The following NAA60 variants were observed in gnomAD, a reference collection of about 807,000 sequenced individuals.
NAA60 encodes N-alpha-acetyltransferase 60.
Under a neutral mutation model 26.1 loss-of-function variants are expected in NAA60, and 8 were observed. The ratio of observed to expected loss-of-function variants is 0.31; its 90% confidence interval spans 0.18 to 0.55. The LOEUF (loss-of-function observed/expected upper bound fraction) is 0.55, where lower values mean the gene tolerates loss of function less well. Among genes scored for constraint, NAA60 ranks in the 20% least tolerant of loss-of-function variants. The pLI is 0.93. For missense variants in NAA60, 290 were observed against 311.3 expected, an observed-to-expected ratio of 0.93 and a Z score of 0.51; for synonymous variants, 131 against 122.5, an observed-to-expected ratio of 1.07 and a Z score of -0.46.
intron 1 of NAA60, among the ~76,000 whole-genome samples, chr16:3,444,450 G>GA (rs912166725): frequency 5.9e-4 from 89 of 150,392 alleles, no homozygotes; most frequent in African/African-American, 1.8e-3. Context: ...GGTGTTTGGG[G>GA]AAAAAAAAAG....
At chr16:3,443,923 G>T in intron 1 of NAA60, 86 bp downstream of exon 1, 2 of 1,457,662 alleles carry the variant, frequency 1.4e-6, no homozygotes, top group South Asian at 2.8e-5. Context: ...TTCGGGCCTA[G>T]CCTGGGCTTG....
intron 4 of NAA60, among the ~76,000 whole-genome samples, chr16:3,480,587 G>C (rs1238935085): frequency 1.4e-5 from 2 of 146,266 alleles, no homozygotes; most frequent in Non-Finnish European, 3.0e-5. Flanking sequence ...ACAAAAGCAA[G>C]ACTTCGTCTA....
At chr16:3,465,716 T>C (rs1382441795) in intron 2 of NAA60, among the ~76,000 whole-genome samples, 2 of 152,128 alleles carry the variant, frequency 1.3e-5, no homozygotes, top group Non-Finnish European at 2.9e-5. Context: ...GATGGCACTT[T>C]TCATGTTTGC....
chr16:3,457,970 G>A (rs1196928239), intron 2 of NAA60: 1 of 985,126 alleles, frequency 1.0e-6, no homozygotes, highest in Non-Finnish European at 1.2e-6. Context: ...GCGGGGCCAC[G>A]TGGGGGCGGC....
chr16:3,481,209 T>A (rs2036808303), intron 4 of NAA60, among the ~76,000 whole-genome samples: 1 of 151,948 alleles, frequency 6.6e-6, no homozygotes, highest in Admixed American at 6.6e-5. Context: ...CACTGCAACC[T>A]CCGCCTCTCA....
At chr16:3,453,058 T>C (rs527723837) in intron 2 of NAA60, among the ~76,000 whole-genome samples, 1 of 152,244 alleles carries the variant, frequency 6.6e-6, no homozygotes, top group African/African-American at 2.4e-5. Flanking sequence ...GAGAATAAAT[T>C]GGTAAAACTT....
intron 2 of NAA60, among the ~76,000 whole-genome samples, chr16:3,466,793 G>T (rs1377749808): frequency 8.5e-5 from 13 of 152,294 alleles, no homozygotes; most frequent in African/African-American, 2.9e-4. Flanking sequence ...TGAGCTGCCT[G>T]GAGTTTGGGG....
intron 1 of NAA60, among the ~76,000 whole-genome samples, chr16:3,445,746 A>T (rs2034526071): frequency 6.6e-6 from 1 of 152,168 alleles, no homozygotes. Context: ...GAAATGAAGC[A>T]TGTGGTATTA....
intron 2 of NAA60, among the ~76,000 whole-genome samples, chr16:3,453,504 G>C (rs2034864991): frequency 6.6e-6 from 1 of 152,180 alleles, no homozygotes; most frequent in African/African-American, 2.4e-5. Flanking sequence ...TGCCTTCCAG[G>C]TTCAAGCGAT....
chr16:3,485,795 T>C lies in NAA60; in HGVS notation c.*535T>C, dbSNP rs903644626. The C allele has an allele frequency of 1.3e-4, 50 of 398,596 alleles. No individual in the cohort carries two copies. The highest frequency in any genetic ancestry group is 7.3e-5 in the East Asian group (1 of 13,704). The allele number at this position is 398,596 out of a possible 1,614,324, so 24.7% of individuals were successfully genotyped here. ...CCAAAGAAGCCTGGGGGGTGAGGAG[T>C]GGCCCCCACTCCTCCATGAGGGGCT... is the stretch of plus-strand genomic sequence containing the variant. On this transcript the variant is annotated 3_prime_UTR_variant, in exon 8 of 8. Coordinates refer to ENST00000407558, the MANE Select transcript of NAA60 (RefSeq NM_001083601.3).
intron 2 of NAA60, among the ~76,000 whole-genome samples, chr16:3,461,097 G>C (rs2035362884): frequency 6.6e-6 from 1 of 152,130 alleles, no homozygotes; most frequent in South Asian, 2.1e-4. Flanking sequence ...CCTCTGATAG[G>C]AGGCTGGCAG....
At chr16:3,458,656 A>T (rs756595766) in intron 2 of NAA60, among the ~76,000 whole-genome samples, 26 of 152,102 alleles carry the variant, frequency 1.7e-4, no homozygotes, top group Non-Finnish European at 3.2e-4. Context: ...GATTGGAGTC[A>T]TCTGCGACTT....
intron 3 of NAA60, among the ~76,000 whole-genome samples, chr16:3,477,982 T>G (rs1164895028): frequency 2.0e-5 from 3 of 151,968 alleles, no homozygotes; most frequent in Admixed American, 2.0e-4. Flanking sequence ...GGAGAATCGC[T>G]TGAACCCAGG....
intron 2 of NAA60, among the ~76,000 whole-genome samples, chr16:3,463,754 C>T (rs959391515): frequency 6.6e-6 from 1 of 151,722 alleles, no homozygotes; most frequent in African/African-American, 2.4e-5. Context: ...GCCTGTAATC[C>T]TAGCTATTTG....
chr16:3,479,641 A>G, intron 4 of NAA60, 41 bp downstream of exon 4: 1 of 1,608,860 alleles, frequency 6.2e-7, no homozygotes, highest in South Asian at 1.1e-5. Context: ...AGTCACTGTC[A>G]TTGGACGGGC....
intron 1 of NAA60, among the ~76,000 whole-genome samples, chr16:3,445,585 T>A (rs551304375): frequency 1.6e-4 from 25 of 152,210 alleles, no homozygotes; most frequent in African/African-American, 6.0e-4. Context: ...TATTTAATGC[T>A]ATTCTTACAT....
intron 3 of NAA60, 35 bp downstream of exon 3, chr16:3,476,372 C>G (rs370751588): frequency 3.2e-6 from 5 of 1,571,268 alleles, no homozygotes; most frequent in East Asian, 2.3e-5. Flanking sequence ...GGGGAGAGCC[C>G]GTGAGCCTCA....
chr16:3,454,731 G>A (rs942661875), intron 2 of NAA60, among the ~76,000 whole-genome samples: 9 of 152,172 alleles, frequency 5.9e-5, no homozygotes, highest in African/African-American at 1.2e-4. Flanking sequence ...CCCTGTGACC[G>A]GCAGATGTCC....
chr16:3,463,474 C>T (rs2150971379), intron 2 of NAA60, among the ~76,000 whole-genome samples: 1 of 150,192 alleles, frequency 6.7e-6, no homozygotes, highest in Non-Finnish European at 1.5e-5. Context: ...ATTACTTGAG[C>T]CCAGGAGGTG....
Sources: allele counts gnomAD v4.1 joint callset (sites outside exome capture counted in the v4.1 genomes callset), GRCh38; gene constraint gnomAD v4.1.1; transcripts MANE v1.5; gene names NCBI Gene and HGNC (gene_info 2026-07-23, HGNC 2026-07-21).